GRID2: variants seen among roughly 807,000 people sequenced by gnomAD.
GRID2 encodes glutamate receptor ionotropic, delta-2.
In GRID2, 33 loss-of-function variants were observed where a neutral mutation model predicts 114.8. The ratio of observed to expected loss-of-function variants is 0.29; its 90% CI spans 0.22 to 0.38. The LOEUF (loss-of-function observed/expected upper bound fraction) is 0.38. GRID2 is among the 10% of genes least tolerant of loss of function. GRID2 has a pLI of 1.00. For missense variants in GRID2, 1,184 were observed against 1,257.7 expected, an observed-to-expected ratio of 0.94 and a Z score of 0.89; for synonymous variants, 505 against 449.9, an observed-to-expected ratio of 1.12 and a Z score of -1.55.
intron 1 of GRID2, among the ~76,000 whole-genome samples, chr4:92,511,542 A>G (rs1363552910): frequency 2.0e-5 from 3 of 151,914 alleles, no homozygotes; most frequent in Non-Finnish European, 4.4e-5. Flanking sequence ...CTCTTTCAGG[A>G]AACCTGGAAT....
rs1738579932 is a variant in GRID2, at chr4:93,593,056, C to T, written c.2194-33213C>T. ...TTAATTGGAGAATTTAGTCCATTTA[C>T]ATTTAAAGTTAATAGTGTTATGTGT... On this transcript the variant is annotated intron_variant, in intron 13 of 15. Transcript: ENST00000282020. Among the ~76,000 whole-genome samples the T allele has an allele frequency of 1.3e-5, 2 of 151,706 alleles. 1 individual carries two copies. The highest frequency in any genetic ancestry group is 1.3e-4 in the Admixed American group (2 of 15,238).
intron 1 of GRID2, among the ~76,000 whole-genome samples, chr4:92,502,195 C>CATATATTTCTAA (rs1349969412): frequency 5.9e-5 from 9 of 151,988 alleles, no homozygotes; most frequent in African/African-American, 2.2e-4. Flanking sequence ...ATTTCTATTG[C>CATATATTTCTAA]AGTTTTCAAA....
chr4:92,425,502 C>T (rs1023749531), intron 1 of GRID2, among the ~76,000 whole-genome samples: 7 of 152,108 alleles, frequency 4.6e-5, no homozygotes, highest in Non-Finnish European at 1.5e-5. Context: ...CTGGATATTT[C>T]ATGAAACGAT....
At chr4:93,366,963 A>G (rs1762399550) in intron 8 of GRID2, among the ~76,000 whole-genome samples, 1 of 151,816 alleles carries the variant, frequency 6.6e-6, no homozygotes, top group African/African-American at 2.4e-5. Flanking sequence ...TTAAGCCCCA[A>G]TGTTATGCAT....
intron 2 of GRID2, among the ~76,000 whole-genome samples, chr4:92,955,921 G>A (rs1425624161): frequency 2.6e-5 from 4 of 152,044 alleles, no homozygotes; most frequent in African/African-American, 4.8e-5. Context: ...GGATTTCACC[G>A]TGTTAGCCAG....
chr4:93,270,804 T>C (rs969885796), intron 8 of GRID2, among the ~76,000 whole-genome samples: 1 of 152,096 alleles, frequency 6.6e-6, no homozygotes, highest in South Asian at 2.1e-4. Flanking sequence ...AATTTTTGTA[T>C]GTTTAGTAGA....
intron 2 of GRID2, among the ~76,000 whole-genome samples, chr4:92,738,054 T>C (rs1358275416): frequency 6.6e-6 from 1 of 152,182 alleles, no homozygotes; most frequent in African/African-American, 2.4e-5. Context: ...TTTGCACATA[T>C]TGCACATTTT....
chr4:92,356,664 G>A (rs183618232), intron 1 of GRID2, among the ~76,000 whole-genome samples: 85 of 151,756 alleles, frequency 5.6e-4, no homozygotes, highest in African/African-American at 1.9e-3. Context: ...CATATAGCCA[G>A]ACACACATAC....
intron 2 of GRID2, among the ~76,000 whole-genome samples, chr4:92,880,790 TG>T (rs1179807816): frequency 1.3e-5 from 2 of 152,094 alleles, no homozygotes; most frequent in Non-Finnish European, 2.9e-5. Flanking sequence ...GACGCTATCT[TG>T]GCTGGCTACA....
intron 4 of GRID2, among the ~76,000 whole-genome samples, chr4:93,178,907 C>T (rs569757462): frequency 1.3e-5 from 2 of 152,230 alleles, no homozygotes; most frequent in South Asian, 4.1e-4. Context: ...CCCAAAGTAA[C>T]AAGTATTCTA....
At chr4:92,481,981 G>GATATATATAT (rs35103752) in intron 1 of GRID2, among the ~76,000 whole-genome samples, 60 of 47,120 alleles carry the variant, frequency 1.3e-3, no homozygotes, top group South Asian at 3.0e-3. Flanking sequence ...AATAAAATGT[G>GATATATATAT]ATATATATAT....
chr4:93,022,199 C>T (rs866028049), intron 2 of GRID2, among the ~76,000 whole-genome samples: 10 of 151,680 alleles, frequency 6.6e-5, no homozygotes, highest in African/African-American at 9.7e-5. Flanking sequence ...TTCATACATA[C>T]GCATATACAC....
At chr4:92,463,925 C>T (rs1721617989) in intron 1 of GRID2, among the ~76,000 whole-genome samples, 1 of 151,680 alleles carries the variant, frequency 6.6e-6, no homozygotes, top group Admixed American at 6.6e-5. Context: ...CCTTTTTTCC[C>T]TTTTCTTTTA....
chr4:93,110,993 A>C (rs372400882), intron 4 of GRID2, 40 bp downstream of exon 4: 13 of 1,298,600 alleles, frequency 1.0e-5, no homozygotes, highest in Non-Finnish European at 1.5e-5. Context: ...TGTACAAAAC[A>C]ATTAAAAGCT....
chr4:92,644,151 C>A (rs1439876830), intron 2 of GRID2, among the ~76,000 whole-genome samples: 1 of 151,644 alleles, frequency 6.6e-6, no homozygotes, highest in African/African-American at 2.4e-5. Context: ...ATGCTTGATA[C>A]TTTCTAACAT....
At chr4:92,799,697 C>A (rs1468757065) in intron 2 of GRID2, among the ~76,000 whole-genome samples, 1 of 151,942 alleles carries the variant, frequency 6.6e-6, no homozygotes, top group Non-Finnish European at 1.5e-5. Context: ...AAAGGGGTTA[C>A]AAATACAAAT....
chr4:92,961,195 G>C (rs1486970939), intron 2 of GRID2, among the ~76,000 whole-genome samples: 1 of 151,532 alleles, frequency 6.6e-6, no homozygotes, highest in East Asian at 1.9e-4. Flanking sequence ...TTATTAATTT[G>C]AACAAATTAT....
Position 93,418,985 on chromosome 4 carries a change from A to T in GRID2, c.1348-3786A>T, listed in dbSNP as rs1313632374. Among the ~76,000 whole-genome samples, 5 of 151,608 alleles carry T rather than the reference A, an allele frequency of 3.3e-5. No homozygotes were observed. In the East Asian group the frequency reaches 5.8e-4, roughly 18 times the overall value. ...TTATGATGCCTCCTTCTTCTGTAACATATTGTGTGACTTTGAGTTGAGATT... is the reference window on the plus strand; with the variant it reads ...TTATGATGCCTCCTTCTTCTGTAACTTATTGTGTGACTTTGAGTTGAGATT... On this transcript the variant is annotated intron_variant, in intron 9 of 15. Transcript: ENST00000282020.
At position 93,524,606 on chromosome 4, in the gene GRID2, A is replaced by G. The variant is rs551512088; in HGVS notation, c.2193+9195A>G. Among the ~76,000 whole-genome samples, 18 of 151,954 alleles carry G rather than the reference A, an allele frequency of 1.2e-4. No individual in the cohort carries two copies. The South Asian group carries it at 3.7e-3, about 32-fold the overall frequency. On this transcript the variant is annotated intron_variant, in intron 13 of 15. Transcript: ENST00000282020. ...GATTAGATGTTTTCTCAAAAAGAAAAGGAGAAACCTAGAATCATTGTGACA... is the reference window on the plus strand; with the variant it reads ...GATTAGATGTTTTCTCAAAAAGAAAGGGAGAAACCTAGAATCATTGTGACA...
Sources: gnomAD v4.1 joint callset for allele counts (sites outside exome capture counted in the v4.1 genomes callset) on GRCh38, gnomAD v4.1.1 for gene constraint, MANE v1.5 for transcripts, NCBI Gene and HGNC (gene_info 2026-07-23, HGNC 2026-07-21) for gene names.